The following ITPR3 variants were observed in gnomAD, a reference collection of about 807,000 sequenced individuals.
ITPR3 encodes inositol 1,4,5-trisphosphate receptor type 3.
A neutral mutation model predicts 293.2 loss-of-function variants in ITPR3; 173 were observed. The observed-to-expected ratio is 0.59, with a 90% confidence interval of 0.52 to 0.67. ITPR3 has a LOEUF of 0.67. Ranked by LOEUF, ITPR3 falls within the 30% of genes least tolerant of loss-of-function variation. ITPR3 has a pLI of 0.00. For missense variants in ITPR3, 2,796 were observed against 3,592.1 expected (o/e 0.78, Z 5.66); for synonymous variants, 1,295 against 1,444.4 (o/e 0.90, Z 2.35).
At chr6:33,622,684 G>C (rs991391419) in intron 1 of ITPR3, among the ~76,000 whole-genome samples, 8 of 152,186 alleles carry the variant, frequency 5.3e-5, no homozygotes, top group African/African-American at 1.9e-4. Context: ...CCAGCCGCGT[G>C]GTGCCTTCTT....
Position 33,682,679 on chromosome 6 carries a change from A to G in ITPR3, c.4597+35A>G, listed in dbSNP as rs369041988. ...CCGGGGCACTGGCCAGCCCCAAACCACTCCTCCTGCCGCTCACAGTGGGGA... is the reference window on the plus strand; with the variant it reads ...CCGGGGCACTGGCCAGCCCCAAACCGCTCCTCCTGCCGCTCACAGTGGGGA... On this transcript the variant is annotated intron_variant, in intron 34 of 57. Transcript: ENST00000605930. The surrounding 1 kb of genome is among the most constrained non-coding windows in gnomAD (Gnocchi z 5.4). The G allele has an allele frequency of 1.6e-5, 25 of 1,566,266 alleles. No homozygotes were observed. The African/African-American group carries it at 2.9e-4, about 18-fold the overall frequency.
At chr6:33,694,699 G>A (rs1015589228) in intron 56 of ITPR3, 11 of 564,076 alleles carry the variant, frequency 2.0e-5, no homozygotes, top group African/African-American at 1.3e-4. Context: ...GCTGCCTAAC[G>A]GAAGTCAGCC....
Position 33,654,165 on chromosome 6 carries a change from G to A in ITPR3, c.161-1601G>A, listed in dbSNP as rs987735049. The stretch of plus-strand genomic sequence containing the variant: ...TGCCTGTAATCCCAGCTACTTGGGA[G>A]GCTGAGACAGGAGAATTGCTTGAGC... On this transcript the variant is annotated intron_variant, in intron 2 of 57. Transcript: ENST00000605930. The surrounding 1 kb of genome is among the most constrained non-coding windows in gnomAD (Gnocchi z 4.1). Among the ~76,000 whole-genome samples the A allele has an allele frequency of 6.6e-6, 1 of 152,172 alleles. No homozygotes were observed. The highest frequency in any genetic ancestry group is 2.4e-5 in the African/African-American group (1 of 41,448).
chr6:33,630,178 C>T (rs553692109), intron 1 of ITPR3, among the ~76,000 whole-genome samples: 1 of 152,298 alleles, frequency 6.6e-6, no homozygotes, highest in South Asian at 2.1e-4. Context: ...AAAACAGCGC[C>T]CCGCCCTCAT....
intron 1 of ITPR3, among the ~76,000 whole-genome samples, chr6:33,628,272 G>C (rs566543724): frequency 2.5e-4 from 38 of 152,330 alleles, no homozygotes; most frequent in African/African-American, 8.9e-4. Flanking sequence ...GGGAGTGAGG[G>C]CTGTGTGAGT....
Position 33,657,913 on chromosome 6 carries a change from T to TG in ITPR3, c.283-19_283-18insG, listed in dbSNP as rs1561861137. On this transcript the variant is annotated intron_variant, in intron 3 of 57. Coordinates refer to ENST00000605930, the MANE Select transcript of ITPR3 (RefSeq NM_002224.4). ...GCAGCTTCTGAGCCCACCCTTCACT[T>TG]CTGTGTGTGTCTGTGCAGCATGCGG... The TG allele has an allele frequency of 2.5e-6, 4 of 1,611,696 alleles. No individual in the cohort carries two copies. In the South Asian group the frequency reaches 4.4e-5, roughly 18 times the overall value.
Position 33,691,468 on chromosome 6 carries a change from G to A in ITPR3, c.7226-147G>A, listed in dbSNP as rs77611268. On this transcript the variant is annotated intron_variant, in intron 52 of 57. Coordinates refer to ENST00000605930, the MANE Select transcript of ITPR3 (RefSeq NM_002224.4). This position sits in a 1 kb window ranked among gnomAD's most constrained non-coding sequence, Gnocchi z 4.9. ...GTGCAACCCAGTCGGGGGCAGAAGC[G>A]TGATGACCCTTCACTGTGGCTGGAC... 9,555 of 689,146 alleles carry A rather than the reference G, an allele frequency of 0.014. 192 individuals are homozygous for A. The highest frequency in any genetic ancestry group is 0.061 in the East Asian group (2,242 of 36,792). The allele number at this position is 689,146 out of a possible 1,614,324, so 42.7% of individuals were successfully genotyped here.
Position 33,682,015 on chromosome 6 carries a change from G to T in ITPR3, c.4477-509G>T, listed in dbSNP as rs1397943310. On this transcript the variant is annotated intron_variant, in intron 33 of 57. Coordinates refer to ENST00000605930, the MANE Select transcript of ITPR3 (RefSeq NM_002224.4). The surrounding 1 kb of genome is among the most constrained non-coding windows in gnomAD (Gnocchi z 5.4). ...TCCAGCCTCAGCCTCCTGAGTAGCT[G>T]GGATTATAGGCACCCGCCACCACGC... 6.6e-6 allele frequency among the ~76,000 whole-genome samples: 1 copy of T among 151,988 alleles called. No homozygotes were observed. Among genetic ancestry groups the T allele is most frequent in the African/African-American group, 2.4e-5 (1 of 41,362 alleles).
At chr6:33,662,771 C>T in intron 8 of ITPR3, 97 bp downstream of exon 8, 1 of 1,524,168 alleles carries the variant, frequency 6.6e-7, no homozygotes, top group Non-Finnish European at 8.8e-7. Flanking sequence ...TGACCCCTAC[C>T]TCCCTCTGAG....
In ITPR3 at chr6:33,621,727, G is replaced by A; in HGVS notation, c.89+36G>A. ...CGAGCTCGAGAGGGGCGCGGGTAAA[G>A]AGGGGGCGCCGTGGGCCCTGGTGCC... On this transcript the variant is annotated intron_variant, in intron 1 of 57. Transcript: ENST00000605930. This position sits in a 1 kb window ranked among gnomAD's most constrained non-coding sequence, Gnocchi z 7.7. The A allele has an allele frequency of 6.6e-7, 1 of 1,525,566 alleles. No homozygotes were observed. The highest frequency in any genetic ancestry group is 8.9e-7 in the Non-Finnish European group (1 of 1,117,548). 94.5% of individuals were successfully genotyped at this position (1,525,566 alleles called of 1,614,324 possible).
intron 7 of ITPR3, among the ~76,000 whole-genome samples, chr6:33,660,882 T>C (rs1764444889): frequency 6.6e-6 from 1 of 151,956 alleles, no homozygotes; most frequent in African/African-American, 2.4e-5. Flanking sequence ...TAAGCCAAGA[T>C]TGCACCACAC....
chr6:33,657,864 G>A, intron 3 of ITPR3, 68 bp from the exon 4 acceptor site: 4 of 1,303,216 alleles, frequency 3.1e-6, no homozygotes, highest in East Asian at 4.8e-5. Flanking sequence ...CATGTGTGGG[G>A]CTGGGGTATG....
chr6:33,687,543 G>T lies in ITPR3; in HGVS notation c.6243G>T (p.Glu2081Asp), dbSNP rs1319269683. 1 of 1,612,662 alleles carries T rather than the reference G, an allele frequency of 6.2e-7. No homozygotes were observed. The highest frequency in any genetic ancestry group is 1.7e-5 in the Admixed American group (1 of 59,918). ...LKPVKRIQEE[E>D]AEGISSMLSL... ...CGGTGAAGCGCATTCAAGAGGAGGA[G>T]GCCGAGGGTATCTCTTCCATGGTGG... is the stretch of plus-strand genomic sequence containing the variant. The change falls in exon 46 of 58, where the codon GAG becomes GAT. Residue 2081 changes from glutamate (E) to aspartate (D), a missense_variant. Glu to Asp is a conservative substitution (Grantham distance 45). Coordinates refer to ENST00000605930, the MANE Select transcript of ITPR3 (RefSeq NM_002224.4). The surrounding 1 kb of genome is among the most constrained non-coding windows in gnomAD (Gnocchi z 5.3).
chr6:33,685,920 G>C, intron 41 of ITPR3, 93 bp downstream of exon 41: 1 of 1,504,576 alleles, frequency 6.6e-7, no homozygotes. Flanking sequence ...TGGCAGGTGT[G>C]CCCTGCCCTG....
Position 33,676,837 on chromosome 6 carries a change from C to T in ITPR3, c.3352C>T (p.Arg1118Trp), listed in dbSNP as rs772951733. The change falls in exon 26 of 58, where the codon CGG becomes TGG. Residue 1118 changes from arginine to tryptophan, a missense_variant. Arg to Trp is a moderately radical substitution (Grantham distance 101). Coordinates refer to ENST00000605930, the MANE Select transcript of ITPR3 (RefSeq NM_002224.4). ...GATCAAGTCGGAGCTGGACCGGCTG[C>T]GGACCATGGTGGAGAAGTCAGAGCT... ...KVIKSELDRL[R>W]TMVEKSELWV... 3.7e-6 allele frequency: 6 copies of T among 1,614,094 alleles called. No homozygotes were observed. The highest frequency in any genetic ancestry group is 5.1e-6 in the Non-Finnish European group (6 of 1,179,988).
intron 2 of ITPR3, among the ~76,000 whole-genome samples, chr6:33,644,055 T>G (rs1312817828): frequency 6.6e-6 from 1 of 152,164 alleles, no homozygotes; most frequent in African/African-American, 2.4e-5. Context: ...CCGGGCATGG[T>G]GGCATGTGCC....
chr6:33,626,340 TA>T lies in ITPR3; in HGVS notation c.89+4659del, dbSNP rs969663915. On this transcript the variant is annotated intron_variant, in intron 1 of 57. Coordinates refer to ENST00000605930, the MANE Select transcript of ITPR3 (RefSeq NM_002224.4). ...CTGTACCTGAGAATCACCTGGGGAT[TA>T]AAAAAAAAATTTCAGCTCCCAAGTC... 2.0e-4 allele frequency among the ~76,000 whole-genome samples: 30 copies of T among 150,864 alleles called. No individual in the cohort carries two copies. In the East Asian group the frequency reaches 3.1e-3, roughly 16 times the overall value.
chr6:33,690,066 C>T lies in ITPR3; in HGVS notation c.6900C>T (p.Phe2300=), dbSNP rs749018804. The change falls in exon 51 of 58, where the codon TTC becomes TTT. Residue 2300 remains phenylalanine (F), a synonymous_variant. Coordinates refer to ENST00000605930, the MANE Select transcript of ITPR3 (RefSeq NM_002224.4). ...LTNKIVFVVS[F]VGNRGTFIRG... ...ACAAGATCGTGTTTGTGGTGAGCTT[C>T]GTGGGCAACCGTGGCACCTTCATCC... 2.6e-5 allele frequency: 42 copies of T among 1,614,078 alleles called. 1 individual carries two copies. The South Asian group carries it at 4.0e-4, about 15-fold the overall frequency.
intron 18 of ITPR3, among the ~76,000 whole-genome samples, chr6:33,669,679 C>A (rs1344576026): frequency 2.0e-5 from 3 of 152,256 alleles, no homozygotes; most frequent in Admixed American, 1.3e-4. Flanking sequence ...TTTTTAAGCA[C>A]TTGTCCTGAT....
Sources: gnomAD v4.1 joint callset for allele counts (sites outside exome capture counted in the v4.1 genomes callset) on GRCh38, gnomAD v4.1.1 for gene constraint, Gnocchi (gnomAD v3.1) non-coding constraint, MANE v1.5 for transcripts, NCBI Gene and HGNC (gene_info 2026-07-23, HGNC 2026-07-21) for gene names.